The following CCSER1 variants were observed in gnomAD, a reference collection of about 807,000 sequenced individuals.
CCSER1 encodes coiled-coil serine rich protein 1.
CCSER1 carries 41 observed loss-of-function variants against 82.0 expected under a neutral mutation model. The ratio of observed to expected loss-of-function variants is 0.50; its 90% CI spans 0.39 to 0.65. The LOEUF (loss-of-function observed/expected upper bound fraction) is 0.65. Among genes scored for constraint, CCSER1 ranks in the 30% least tolerant of loss-of-function variants. The pLI is 0.00. For missense variants in CCSER1, 1,119 were observed against 1,064.2 expected (o/e 1.05, Z -0.72); for synonymous variants, 414 against 383.9 (o/e 1.08, Z -0.92).
chr4:91,308,293 A>T (rs1745218060), intron 10 of CCSER1, among the ~76,000 whole-genome samples: 1 of 151,872 alleles, frequency 6.6e-6, no homozygotes, highest in Non-Finnish European at 1.5e-5. Flanking sequence ...GACAGGGCTG[A>T]CTCTTCCCTG....
chr4:91,285,244 TG>T (rs1354665702), intron 10 of CCSER1, among the ~76,000 whole-genome samples: 4 of 141,616 alleles, frequency 2.8e-5, no homozygotes, highest in Non-Finnish European at 4.6e-5. Flanking sequence ...AAAACTTCAA[TG>T]GGTTTTTTTT....
Position 91,192,792 on chromosome 4 carries a change from T to C in CCSER1, c.2217+106798T>C, listed in dbSNP as rs573326382. ...TTTTACAAAATAAAATCCAGATTAT[T>C]TATTTTTTAATTTCTAACCTTAATT... On this transcript the variant is annotated intron_variant, in intron 10 of 10. Transcript: ENST00000509176. 1.2e-4 allele frequency among the ~76,000 whole-genome samples: 19 copies of C among 152,320 alleles called. 1 individual carries two copies. The South Asian group carries it at 3.9e-3, about 32-fold the overall frequency.
At chr4:90,826,068 G>A (rs150728445) in intron 8 of CCSER1, among the ~76,000 whole-genome samples, 1 of 152,112 alleles carries the variant, frequency 6.6e-6, no homozygotes, top group Admixed American at 6.6e-5. Flanking sequence ...TTTAACATCA[G>A]GTTACTTCAT....
chr4:91,421,254 A>C (rs1332608333), intron 10 of CCSER1, among the ~76,000 whole-genome samples: 1 of 152,190 alleles, frequency 6.6e-6, no homozygotes, highest in Non-Finnish European at 1.5e-5. Context: ...TGGAGGATGA[A>C]AAGTCTCATG....
At chr4:90,600,234 A>G (rs1187793876) in intron 5 of CCSER1, among the ~76,000 whole-genome samples, 1 of 152,174 alleles carries the variant, frequency 6.6e-6, no homozygotes, top group Admixed American at 6.5e-5. Context: ...GACTGAAATG[A>G]TATGGTCAGG....
chr4:91,382,389 C>T (rs1442108898), intron 10 of CCSER1, among the ~76,000 whole-genome samples: 1 of 152,210 alleles, frequency 6.6e-6, no homozygotes, highest in Non-Finnish European at 1.5e-5. Context: ...TGTTTACCTA[C>T]TCAAGCCTCA....
chr4:90,811,611 G>A (rs946812662), intron 7 of CCSER1, among the ~76,000 whole-genome samples: 1 of 152,068 alleles, frequency 6.6e-6, no homozygotes, highest in Non-Finnish European at 1.5e-5. Context: ...GATTAAATTT[G>A]GTTCCAGATT....
At chr4:90,462,640 G>T (rs1763097391) in intron 4 of CCSER1, among the ~76,000 whole-genome samples, 1 of 152,130 alleles carries the variant, frequency 6.6e-6, no homozygotes, top group African/African-American at 2.4e-5. Context: ...GGAGGCTGAG[G>T]CAGGCGGATC....
At chr4:90,430,263 C>G (rs188300793) in intron 4 of CCSER1, among the ~76,000 whole-genome samples, 408 of 151,976 alleles carry the variant, frequency 2.7e-3, no homozygotes, top group Non-Finnish European at 4.5e-3. Flanking sequence ...ATTTGAATTT[C>G]TATTTCAGAT....
At chr4:90,553,187 G>A (rs1777734756) in intron 5 of CCSER1, among the ~76,000 whole-genome samples, 1 of 151,996 alleles carries the variant, frequency 6.6e-6, no homozygotes, top group Admixed American at 6.6e-5. Context: ...TGGCCAGGAT[G>A]GTCTCGATCT....
chr4:91,148,536 C>T (rs1729778427), intron 10 of CCSER1, among the ~76,000 whole-genome samples: 1 of 151,832 alleles, frequency 6.6e-6, no homozygotes, highest in East Asian at 1.9e-4. Context: ...GCGCAACGTG[C>T]AGGTTTGTTA....
At chr4:91,067,100 C>A (rs1720900642) in intron 9 of CCSER1, among the ~76,000 whole-genome samples, 1 of 151,536 alleles carries the variant, frequency 6.6e-6, no homozygotes, top group African/African-American at 2.4e-5. Context: ...GGAGGCGGAG[C>A]TTGCAGTGAG....
At chr4:90,436,336 T>C (rs938603446) in intron 4 of CCSER1, among the ~76,000 whole-genome samples, 17 of 152,206 alleles carry the variant, frequency 1.1e-4, no homozygotes, top group African/African-American at 4.1e-4. Flanking sequence ...AAATAAAATT[T>C]AGATGCTTAT....
intron 7 of CCSER1, among the ~76,000 whole-genome samples, chr4:90,811,684 A>G (rs1444497377): frequency 6.6e-6 from 1 of 152,108 alleles, no homozygotes; most frequent in Non-Finnish European, 1.5e-5. Context: ...TTTAGGAAAT[A>G]GGAAGATAAT....
intron 1 of CCSER1, among the ~76,000 whole-genome samples, chr4:90,217,526 A>G (rs544393919): frequency 6.6e-6 from 1 of 152,098 alleles, no homozygotes; most frequent in Non-Finnish European, 1.5e-5. Flanking sequence ...GTATAGAATT[A>G]TATTGTCCCA....
chr4:90,315,652 T>A (rs1736042590), intron 3 of CCSER1, among the ~76,000 whole-genome samples: 1 of 152,010 alleles, frequency 6.6e-6, no homozygotes, highest in Non-Finnish European at 1.5e-5. Context: ...CACAAGTGTG[T>A]GCCACCATGC....
intron 7 of CCSER1, among the ~76,000 whole-genome samples, chr4:90,774,016 A>G (rs948754276): frequency 6.6e-6 from 1 of 152,138 alleles, no homozygotes; most frequent in African/African-American, 2.4e-5. Flanking sequence ...AAAAGTTGGT[A>G]AGTTATAAAT....
chr4:91,166,603 A>G (rs917738431), intron 10 of CCSER1, among the ~76,000 whole-genome samples: 13 of 152,230 alleles, frequency 8.5e-5, no homozygotes, highest in African/African-American at 3.1e-4. Context: ...TTTATAAGTC[A>G]GTTTTTATAT....
At position 91,223,825 on chromosome 4, in the gene CCSER1, C is replaced by T. The variant is rs537326974; in HGVS notation, c.2217+137831C>T. On this transcript the variant is annotated intron_variant, in intron 10 of 10. Transcript: ENST00000509176. The stretch of plus-strand genomic sequence containing the variant: ...AAACTCATAATATAGACACCAATCA[C>T]GTCTGCATCTGTTAAATGAGCAACC... 8.5e-5 allele frequency among the ~76,000 whole-genome samples: 13 copies of T among 152,164 alleles called. No homozygotes were observed. The East Asian group carries it at 1.7e-3, about 20-fold the overall frequency.
Sources: gnomAD v4.1 joint callset for allele counts (sites outside exome capture counted in the v4.1 genomes callset) on GRCh38, gnomAD v4.1.1 for gene constraint, MANE v1.5 for transcripts, NCBI Gene and HGNC (gene_info 2026-07-23, HGNC 2026-07-21) for gene names.